LRRC53: variants seen among roughly 807,000 people sequenced by gnomAD.
LRRC53 encodes leucine rich repeat containing 53.
LRRC53 carries 25 observed loss-of-function variants against 13.6 expected under a neutral mutation model. The observed-to-expected ratio is 1.83, with a 90% CI of 1.34 to 2.56. LRRC53 has a LOEUF of 2.56. LRRC53 is among the 30% of genes most tolerant of loss of function. The probability of loss-of-function intolerance (pLI) is 0.00; values close to 1 mark genes in which losing one functional copy is unlikely to be tolerated. For missense variants in LRRC53, 527 were observed against 275.8 expected, an observed-to-expected ratio of 1.91 and a Z score of -6.45; for synonymous variants, 204 against 109.8, an observed-to-expected ratio of 1.86 and a Z score of -5.37.
chr1:74,504,965 A>C lies in LRRC53; in HGVS notation c.-27+7561T>G, dbSNP rs77405587. Among the ~76,000 whole-genome samples, 72 of 152,312 alleles carry C rather than the reference A, an allele frequency of 4.7e-4. No homozygotes were observed. In the East Asian group the frequency reaches 0.014, roughly 29 times the overall value. ...TTCGCCGGAGGCAAACTGCTAAATA[A>C]ATGGTGACAGATTTCTCAGTTTTCA... On this transcript the variant is annotated intron_variant, in intron 1 of 4. Transcript: ENST00000294635.
At chr1:74,496,772 G>A (rs1014308500) in intron 1 of LRRC53, among the ~76,000 whole-genome samples, 2 of 152,070 alleles carry the variant, frequency 1.3e-5, no homozygotes, top group African/African-American at 2.4e-5. Flanking sequence ...AAAATATTTT[G>A]TGCCTCTAGA....
chr1:74,530,554 T>C, the LRRC53 span, among the ~76,000 whole-genome samples: 65 of 152,098 alleles, frequency 4.3e-4, no homozygotes, highest in Non-Finnish European at 7.6e-4. Context: ...AACTAGAAGA[T>C]CAGAATTCTA....
the LRRC53 span, among the ~76,000 whole-genome samples, chr1:74,524,388 G>A: frequency 2.6e-5 from 4 of 152,170 alleles, no homozygotes; most frequent in African/African-American, 2.4e-5. Context: ...GACACTGTGC[G>A]GACTCCAGGG....
At chr1:74,531,871 G>A in the LRRC53 span, among the ~76,000 whole-genome samples, 7 of 152,110 alleles carry the variant, frequency 4.6e-5, no homozygotes, top group Non-Finnish European at 7.4e-5. Flanking sequence ...TATGACAGAC[G>A]GCAATAAACC....
At chr1:74,492,906 T>C (rs537469074) in intron 1 of LRRC53, among the ~76,000 whole-genome samples, 158 of 152,270 alleles carry the variant, frequency 1.0e-3, no homozygotes, top group African/African-American at 3.5e-3. Context: ...ATGGTTGAGG[T>C]TCTGGTGCGG....
At position 74,492,259 on chromosome 1, in the gene LRRC53, T is replaced by C. The variant is rs1669118953; in HGVS notation, c.-26-8884A>G. ...AAATGCAAGGTCCTATGCTGCTTTG[T>C]CCCAAAGGTGAGTGGTAATATAAGC... On this transcript the variant is annotated intron_variant, in intron 1 of 4. Coordinates refer to ENST00000294635, the MANE Select transcript of LRRC53 (RefSeq NM_001382280.1). 1.9e-6 allele frequency: 3 copies of C among 1,555,022 alleles called. No individual in the cohort carries two copies. The East Asian group carries it at 6.8e-5, about 35-fold the overall frequency.
At chr1:74,490,035 C>T (rs45608733) in intron 1 of LRRC53, among the ~76,000 whole-genome samples, 4,277 of 75,880 alleles carry the variant, frequency 0.056, 233 homozygotes, top group African/African-American at 0.19. Context: ...TCAAGAAAAG[C>T]AGGATTTTTT....
At chr1:74,483,850 A>G (rs1254896753) in intron 1 of LRRC53, among the ~76,000 whole-genome samples, 1 of 152,194 alleles carries the variant, frequency 6.6e-6, no homozygotes, top group African/African-American at 2.4e-5. Context: ...TGAGTCTTAC[A>G]TGATTACAAC....
chr1:74,487,977 G>A (rs907047288), intron 1 of LRRC53, among the ~76,000 whole-genome samples: 3 of 152,074 alleles, frequency 2.0e-5, no homozygotes, highest in Non-Finnish European at 4.4e-5. Flanking sequence ...ATAACTAAGG[G>A]GCTGAGTGAC....
intron 1 of LRRC53, among the ~76,000 whole-genome samples, chr1:74,505,342 G>A (rs973798518): frequency 1.3e-5 from 2 of 152,106 alleles, no homozygotes; most frequent in African/African-American, 2.4e-5. Flanking sequence ...CTCTGGCCTC[G>A]CCCTGCTCCC....
At chr1:74,512,666 C>G (rs1447887858), upstream of LRRC53, 2 of 152,268 alleles carry the variant, frequency 1.3e-5, no homozygotes, top group Non-Finnish European at 2.9e-5. Flanking sequence ...CCACACCACC[C>G]CCTCCTGGCT....
intron 1 of LRRC53, among the ~76,000 whole-genome samples, chr1:74,503,075 C>T (rs1268339755): frequency 6.6e-6 from 1 of 152,128 alleles, no homozygotes; most frequent in East Asian, 1.9e-4. Context: ...TTCACTTCCT[C>T]ATTAAACGTA....
In LRRC53 at chr1:74,483,317, T is replaced by G. The variant is rs1668594675; in HGVS notation, c.33A>C (p.Ser11=). MLRLVAACPE[S]CVVCTKDVTL... is the part of the protein sequence containing the mutation. ...TTACATCTTTGGTGCACACCACACATGACTCAGGGCAAGCTGCCACCAACC... is the reference window on the plus strand; with the variant it reads ...TTACATCTTTGGTGCACACCACACAGGACTCAGGGCAAGCTGCCACCAACC... Residue 11 remains serine, a synonymous_variant, in exon 2 of 5, where the codon TCA becomes TCC. Transcript: ENST00000294635. 1 of 717,370 alleles carries G rather than the reference T, an allele frequency of 1.4e-6. No homozygotes were observed. Among genetic ancestry groups the G allele is most frequent in the Admixed American group, 2.0e-5 (1 of 49,990 alleles). The allele number at this position is 717,370 out of a possible 1,614,324, so 44.4% of individuals were successfully genotyped here. A position where few individuals can be genotyped will look rare whatever the true frequency, so the allele number is the denominator to read the frequency against.
At chr1:74,518,297 GTTC>G in the LRRC53 span, among the ~76,000 whole-genome samples, 4 of 152,070 alleles carry the variant, frequency 2.6e-5, no homozygotes, top group Non-Finnish European at 5.9e-5. Flanking sequence ...ATTGAAAGGA[GTTC>G]TTCTTTTATA....
the LRRC53 span, among the ~76,000 whole-genome samples, chr1:74,533,412 T>A: frequency 6.7e-6 from 1 of 150,288 alleles, no homozygotes; most frequent in Non-Finnish European, 1.5e-5. Context: ...TCAGGAAACA[T>A]CAGGTGCTGG....
Position 74,486,098 on chromosome 1 carries a change from T to G in LRRC53, c.-26-2723A>C, listed in dbSNP as rs568738889. Among the ~76,000 whole-genome samples the G allele has an allele frequency of 1.2e-3, 180 of 152,012 alleles. 1 individual carries two copies. The highest frequency in any genetic ancestry group is 3.9e-3 in the African/African-American group (160 of 41,348). ...TAAAACAATAACTAATACACTCCAG[T>G]TGCCCTGAATTCTGTCCTCTGTTCC... On this transcript the variant is annotated intron_variant, in intron 1 of 4. Transcript: ENST00000294635.
At chr1:74,498,800 C>G in intron 1 of LRRC53, among the ~76,000 whole-genome samples, 1 of 152,002 alleles carries the variant, frequency 6.6e-6, no homozygotes, top group Non-Finnish European at 1.5e-5. Context: ...ATATAGGTGA[C>G]TAAGATGTGT....
Position 74,492,269 on chromosome 1 carries a change from G to A in LRRC53, c.-26-8894C>T, listed in dbSNP as rs1669119387. ...TCCTATGCTGCTTTGTCCCAAAGGT[G>A]AGTGGTAATATAAGCAAATCTCACA... On this transcript the variant is annotated intron_variant, in intron 1 of 4. Coordinates refer to ENST00000294635, the MANE Select transcript of LRRC53 (RefSeq NM_001382280.1). The A allele has an allele frequency of 6.5e-7, 1 of 1,528,378 alleles. No individual in the cohort carries two copies. Among genetic ancestry groups the A allele is most frequent in the Non-Finnish European group, 8.9e-7 (1 of 1,125,518 alleles). 94.7% of individuals were successfully genotyped at this position (1,528,378 alleles called of 1,614,324 possible).
chr1:74,500,669 C>A (rs1479574926), intron 1 of LRRC53, among the ~76,000 whole-genome samples: 1 of 121,724 alleles, frequency 8.2e-6, no homozygotes, highest in Non-Finnish European at 1.7e-5. Context: ...ATTATTTAAG[C>A]CTCACTCTGT....
Sources: gnomAD v4.1 joint callset for allele counts (sites outside exome capture counted in the v4.1 genomes callset) on GRCh38, gnomAD v4.1.1 for gene constraint, MANE v1.5 for transcripts, NCBI Gene and HGNC (gene_info 2026-07-23, HGNC 2026-07-21) for gene names.